TMCO6: variants seen among roughly 807,000 people sequenced by gnomAD.
The protein encoded by TMCO6 is transmembrane and coiled-coil domains 6, also known as transmembrane and coiled-coil domain-containing protein 6.
TMCO6 carries 47 observed loss-of-function variants against 61.8 expected under a neutral mutation model. The ratio of observed to expected loss-of-function variants is 0.76; its 90% CI spans 0.60 to 0.97. The LOEUF is 0.97. Among genes scored for constraint, TMCO6 ranks in the 50% least tolerant of loss-of-function variants. TMCO6 has a pLI of 0.00. For synonymous variants in TMCO6, 261 were observed against 254.2 expected (o/e 1.03, Z -0.25); for missense variants, 557 against 601.6 (o/e 0.93, Z 0.78).
In TMCO6 at chr5:140,645,259, C is replaced by T. The variant is rs934567301; in HGVS notation, c.*161C>T. On this transcript the variant is annotated 3_prime_UTR_variant, in exon 12 of 12. Transcript: ENST00000394671. ...CCAGCTCCTCCCCTTCCACTCAGCA[C>T]TATCCAGGCAGGAGGACCAAAAGGG... 1.0e-5 allele frequency: 8 copies of T among 769,136 alleles called. No homozygotes were observed. The Admixed American group carries it at 1.1e-4, about 11-fold the overall frequency. The allele number at this position is 769,136 out of a possible 1,614,324, so 47.6% of individuals were successfully genotyped here.
Position 140,644,153 on chromosome 5 carries a change from C to T in TMCO6, c.1159C>T (p.Leu387Phe), listed in dbSNP as rs901382257. 42 of 1,614,096 alleles carry T rather than the reference C, an allele frequency of 2.6e-5. No homozygotes were observed. The highest frequency in any genetic ancestry group is 3.5e-5 in the Non-Finnish European group (41 of 1,180,058). Residue 387 changes from leucine to phenylalanine, a missense_variant, in exon 10 of 12, where the codon CTC becomes TTC. By Grantham distance (22) the Leu-to-Phe change is conservative. Transcript: ENST00000394671. The stretch of plus-strand genomic sequence containing the variant: ...GCTCTCCCTGGATCTGATTGAGCCT[C>T]TCTTACAGCTGTTGCCAGTATCTAA... ...SLLSLDLIEP[L>F]LQLLPVSNVV...
At chr5:140,645,679 C>T, downstream of TMCO6, 1 of 1,614,142 alleles carries the variant, frequency 6.2e-7, no homozygotes, top group Admixed American at 1.7e-5. Flanking sequence ...TGGCCAAATG[C>T]TGAAGAGAGA....
At chr5:140,623,192 A>G in the TMCO6 span, among the ~76,000 whole-genome samples, 2 of 152,224 alleles carry the variant, frequency 1.3e-5, no homozygotes, top group Non-Finnish European at 2.9e-5. Flanking sequence ...CTATTTTTCT[A>G]TGGCTAGTGA....
Position 140,642,034 on chromosome 5 carries a change from G to C in TMCO6, c.479G>C (p.Ser160Thr), listed in dbSNP as rs753766130. 6.2e-7 allele frequency: 1 copy of C among 1,610,470 alleles called. No individual in the cohort carries two copies. Among genetic ancestry groups the C allele is most frequent in the Non-Finnish European group, 8.5e-7 (1 of 1,176,958 alleles). Residue 160 changes from serine to threonine, a missense_variant, in exon 4 of 12, where the codon AGT (serine) becomes ACT (threonine). Ser to Thr is a moderately conservative substitution (Grantham distance 58, BLOSUM62 1). Coordinates refer to ENST00000394671, the MANE Select transcript of TMCO6 (RefSeq NM_018502.5). ...TCTTACCTCCTCACCTACCTCTCCA[G>C]TCACAGCTCAGACTTCATAGTAAGC... is the stretch of plus-strand genomic sequence containing the variant. ...ATSYLLTYLS[S>T]HSSDFIELCL... is the part of the protein sequence containing the mutation.
In TMCO6 at chr5:140,645,018, C is replaced by G; in HGVS notation, c.1402C>G (p.Gln468Glu). 1 of 1,614,214 alleles carries G rather than the reference C, an allele frequency of 6.2e-7. No individual in the cohort carries two copies. The highest frequency in any genetic ancestry group is 1.1e-5 in the South Asian group (1 of 91,088). The change falls in exon 12 of 12, where the codon CAA becomes GAA. Residue 468 changes from glutamine to glutamate, a missense_variant. By Grantham distance (29) the Gln-to-Glu change is conservative (BLOSUM62 2). Coordinates refer to ENST00000394671, the MANE Select transcript of TMCO6 (RefSeq NM_018502.5). Reference sequence around the variant, plus strand: ...GGTCTTCCTGCAGCAGTCAGGGCTGCAAGCCCTGGAAAGGCATCAGGAAGA... The same window carrying G: ...GGTCTTCCTGCAGCAGTCAGGGCTGGAAGCCCTGGAAAGGCATCAGGAAGA... The part of the protein sequence containing the change: ...VQVFLQQSGL[Q>E]ALERHQEEAQ...
the TMCO6 span, among the ~76,000 whole-genome samples, chr5:140,605,688 AC>A: frequency 1.6e-5 from 2 of 128,304 alleles, no homozygotes; most frequent in African/African-American, 3.2e-5. Context: ...TCAAAAAAAA[AC>A]AAAACACACA....
the TMCO6 span, among the ~76,000 whole-genome samples, chr5:140,608,905 A>G: frequency 6.6e-6 from 1 of 152,320 alleles, no homozygotes; most frequent in East Asian, 1.9e-4. Context: ...TTGCTTTGCA[A>G]TAATGTTTTG....
chr5:140,631,966 G>T, the TMCO6 span: 22 of 1,613,644 alleles, frequency 1.4e-5, no homozygotes, highest in East Asian at 2.2e-5. Flanking sequence ...GAGCCCTCGT[G>T]GGGGAGGGCA....
In TMCO6 at chr5:140,642,268, CT is replaced by C. The variant is rs539451281; in HGVS notation, c.499-46del. On this transcript the variant is annotated intron_variant, in intron 4 of 11. Coordinates refer to ENST00000394671, the MANE Select transcript of TMCO6 (RefSeq NM_018502.5). The stretch of plus-strand genomic sequence containing the variant: ...CCCTCCCCATCTCCCCACACGCAGC[CT>C]GGCATGAAACAGGCCAAGCCCAGTG... 12,509 of 1,535,590 alleles carry C rather than the reference CT, an allele frequency of 8.1e-3. 65 individuals are homozygous for C. The highest frequency in any genetic ancestry group is 0.01 in the Admixed American group (541 of 52,676).
Position 140,643,986 on chromosome 5 carries a change from C to G in TMCO6, c.1105+20C>G. On this transcript the variant is annotated intron_variant, in intron 9 of 11. Coordinates refer to ENST00000394671, the MANE Select transcript of TMCO6 (RefSeq NM_018502.5). ...TCACTGGTACGCACCATAATCTGCC[C>G]AGGCCTGGACATTTGGATAATGGGG... is the stretch of plus-strand genomic sequence containing the variant. The G allele has an allele frequency of 8.1e-6, 13 of 1,613,778 alleles. No homozygotes were observed. The highest frequency in any genetic ancestry group is 9.3e-6 in the Non-Finnish European group (11 of 1,179,756).
chr5:140,627,084 T>G, the TMCO6 span, among the ~76,000 whole-genome samples: 3 of 152,208 alleles, frequency 2.0e-5, no homozygotes, highest in African/African-American at 7.2e-5. Flanking sequence ...AAATCCACAT[T>G]CCTGTGCCTT....
At chr5:140,629,366 T>C in the TMCO6 span, among the ~76,000 whole-genome samples, 1 of 152,074 alleles carries the variant, frequency 6.6e-6, no homozygotes, top group African/African-American at 2.4e-5. Flanking sequence ...CCTACATACA[T>C]CTCCCACATG....
At position 140,645,174 on chromosome 5, in the gene TMCO6, T is replaced by G; in HGVS notation, c.*76T>G. On this transcript the variant is annotated 3_prime_UTR_variant, in exon 12 of 12. Coordinates refer to ENST00000394671, the MANE Select transcript of TMCO6 (RefSeq NM_018502.5). ...TTGTCCAGTAGAGCCTTTGGAGATT[T>G]AGGACCATAATGAGGTCTCATGTTC... 1 of 1,468,342 alleles carries G rather than the reference T, an allele frequency of 6.8e-7. No individual in the cohort carries two copies. The highest frequency in any genetic ancestry group is 9.5e-7 in the Non-Finnish European group (1 of 1,054,452). The allele number at this position is 1,468,342 out of a possible 1,614,324, so 91.0% of individuals were successfully genotyped here.
chr5:140,616,668 A>G, the TMCO6 span, among the ~76,000 whole-genome samples: 1 of 152,262 alleles, frequency 6.6e-6, no homozygotes, highest in East Asian at 1.9e-4. Context: ...AAATATTTGC[A>G]ACTCATATAT....
the TMCO6 span, among the ~76,000 whole-genome samples, chr5:140,630,563 G>A: frequency 2.0e-5 from 3 of 152,180 alleles, no homozygotes; most frequent in East Asian, 5.8e-4. Flanking sequence ...AAGGCCTGAG[G>A]TGAAATGTGG....
At chr5:140,641,443 G>T (rs1757023348) in intron 2 of TMCO6, 1 of 541,752 alleles carries the variant, frequency 1.8e-6, no homozygotes, top group Admixed American at 3.2e-5. Context: ...AGGAAACTTA[G>T]GTTCAGGTCC....
chr5:140,643,439 C>CA, intron 7 of TMCO6, 125 bp from the exon 8 acceptor site: 1 of 879,524 alleles, frequency 1.1e-6, no homozygotes, highest in Non-Finnish European at 1.9e-6. Context: ...TCAGGTGATC[C>CA]ACCCACCTCA....
chr5:140,635,053 A>G (rs1327437345), upstream of TMCO6, among the ~76,000 whole-genome samples: 1 of 152,232 alleles, frequency 6.6e-6, no homozygotes, highest in Non-Finnish European at 1.5e-5. Flanking sequence ...AAGTGCTGGG[A>G]TTACAGGCAT....
the TMCO6 span, among the ~76,000 whole-genome samples, chr5:140,602,784 A>G: frequency 6.6e-6 from 1 of 150,530 alleles, no homozygotes; most frequent in East Asian, 2.0e-4. Flanking sequence ...ACACACAAAC[A>G]CACACACACA....
Sources: gnomAD v4.1 joint callset for allele counts (sites outside exome capture counted in the v4.1 genomes callset) on GRCh38, gnomAD v4.1.1 for gene constraint, MANE v1.5 for transcripts, NCBI Gene and HGNC (gene_info 2026-07-23, HGNC 2026-07-21) for gene names.